MACROH2A2: variants seen among roughly 807,000 people sequenced by gnomAD.
The protein encoded by MACROH2A2 is core histone macro-H2A.2.
A neutral mutation model predicts 37.6 loss-of-function variants in MACROH2A2; 6 were observed. That is an observed-to-expected ratio of 0.16 (90% CI 0.09 to 0.32). The LOEUF (loss-of-function observed/expected upper bound fraction) is 0.32. MACROH2A2 is among the 10% of genes least tolerant of loss of function. The pLI, the probability that MACROH2A2 is intolerant of heterozygous loss-of-function variation, is 1.00. For missense variants in MACROH2A2, 290 were observed against 485.9 expected (o/e 0.60, Z 3.79); for synonymous variants, 192 against 202.7 (o/e 0.95, Z 0.45).
intron 1 of MACROH2A2, among the ~76,000 whole-genome samples, chr10:70,062,674 G>A (rs1332002428): frequency 6.6e-6 from 1 of 152,134 alleles, no homozygotes; most frequent in Non-Finnish European, 1.5e-5. Flanking sequence ...CCCCACCTGT[G>A]ACACCCTGGC....
Position 70,053,241 on chromosome 10 carries a change from G to T in MACROH2A2, c.-60+241G>T, listed in dbSNP as rs1157264163. On this transcript the variant is annotated intron_variant, in intron 1 of 8. Coordinates refer to ENST00000373255, the MANE Select transcript of MACROH2A2 (RefSeq NM_018649.3). This position sits in a 1 kb window ranked among gnomAD's most constrained non-coding sequence, Gnocchi z 4.8. Reference sequence around the variant, plus strand: ...GCTAAAGAAGTGGTCAAATTCCTGCGGCCAGCGAGGGGCCGGGGGCGTCGA... The same window carrying T: ...GCTAAAGAAGTGGTCAAATTCCTGCTGCCAGCGAGGGGCCGGGGGCGTCGA... Among the ~76,000 whole-genome samples the T allele has an allele frequency of 2.6e-5, 4 of 152,188 alleles. No homozygotes were observed. The highest frequency in any genetic ancestry group is 1.3e-4 in the Admixed American group (2 of 15,284).
At chr10:70,098,543 A>G (rs1442304286) in intron 6 of MACROH2A2, 1 of 152,146 alleles carries the variant, frequency 6.6e-6, no homozygotes, top group East Asian at 1.9e-4. Context: ...TTTGCAATTC[A>G]TTTGTTGAGG....
intron 1 of MACROH2A2, among the ~76,000 whole-genome samples, chr10:70,054,446 G>A (rs2072001461): frequency 6.6e-6 from 1 of 152,132 alleles, no homozygotes. Context: ...ACAGACCCCA[G>A]GATCCCCTAG....
chr10:70,058,195 T>C (rs2072028902), intron 1 of MACROH2A2, among the ~76,000 whole-genome samples: 1 of 152,234 alleles, frequency 6.6e-6, no homozygotes, highest in Non-Finnish European at 1.5e-5. Flanking sequence ...TTAAATAAGA[T>C]AAATTTGGTG....
rs1295899666 is a variant in MACROH2A2, at chr10:70,053,994, G to T, written c.-60+994G>T. On this transcript the variant is annotated intron_variant, in intron 1 of 8. Transcript: ENST00000373255. The surrounding 1 kb of genome is among the most constrained non-coding windows in gnomAD (Gnocchi z 4.8). ...CAGCCTCCAGCCCCGGCGCACCTCA[G>T]CCCCAGCCCGGCCAGCCCCCCGGAT... Among the ~76,000 whole-genome samples the T allele has an allele frequency of 1.3e-5, 2 of 152,172 alleles. No homozygotes were observed. The highest frequency in any genetic ancestry group is 6.5e-5 in the Admixed American group (1 of 15,288).
At position 70,053,389 on chromosome 10, in the gene MACROH2A2, G is replaced by T. The variant is rs904474227; in HGVS notation, c.-60+389G>T. Among the ~76,000 whole-genome samples the T allele has an allele frequency of 6.6e-6, 1 of 151,654 alleles. No homozygotes were observed. The highest frequency in any genetic ancestry group is 1.5e-5 in the Non-Finnish European group (1 of 67,684). ...GTTTCGGGCGCAGGAGCGGGAGGAC[G>T]GAGGCGCCCGGCCGCCGATGGGCAC... On this transcript the variant is annotated intron_variant, in intron 1 of 8. Transcript: ENST00000373255. The surrounding 1 kb of genome is among the most constrained non-coding windows in gnomAD (Gnocchi z 4.8).
intron 2 of MACROH2A2, among the ~76,000 whole-genome samples, chr10:70,079,153 C>G (rs2072158025): frequency 6.6e-6 from 1 of 152,064 alleles, no homozygotes; most frequent in Non-Finnish European, 1.5e-5. Flanking sequence ...GGGGGAAGGG[C>G]TGCCTAATCT....
At chr10:70,060,541 T>A (rs2072044586) in intron 1 of MACROH2A2, among the ~76,000 whole-genome samples, 1 of 152,006 alleles carries the variant, frequency 6.6e-6, no homozygotes, top group Non-Finnish European at 1.5e-5. Flanking sequence ...AACATGGATG[T>A]CTCTGGAAGC....
chr10:70,080,342 G>A (rs1157590270), intron 2 of MACROH2A2, among the ~76,000 whole-genome samples: 2 of 152,066 alleles, frequency 1.3e-5, no homozygotes, highest in Admixed American at 1.3e-4. Flanking sequence ...GCTAGTGGAT[G>A]GAGAATGGTG....
intron 2 of MACROH2A2, among the ~76,000 whole-genome samples, chr10:70,081,516 T>G: frequency 6.6e-6 from 1 of 151,886 alleles, no homozygotes; most frequent in Non-Finnish European, 1.5e-5. Flanking sequence ...GGAGGAAAGA[T>G]GTGAGCGTGT....
chr10:70,063,304 G>T (rs778588750), intron 1 of MACROH2A2, among the ~76,000 whole-genome samples: 1 of 152,156 alleles, frequency 6.6e-6, no homozygotes, highest in Non-Finnish European at 1.5e-5. Flanking sequence ...TTCAATAAGG[G>T]CACATGCTAA....
chr10:70,086,462 C>CT (rs2072212226), intron 2 of MACROH2A2, among the ~76,000 whole-genome samples: 1 of 152,172 alleles, frequency 6.6e-6, no homozygotes. Context: ...TGCCTTCAGT[C>CT]TCGTCCTATG....
At chr10:70,092,403 A>G (rs973898738) in intron 4 of MACROH2A2, among the ~76,000 whole-genome samples, 1 of 152,184 alleles carries the variant, frequency 6.6e-6, no homozygotes, top group African/African-American at 2.4e-5. Context: ...ACTGCACTCG[A>G]GCCTCGGTGA....
rs768374763 is a variant in MACROH2A2, at chr10:70,095,798, TGTTCAGGCAA to T, written c.688+50_688+59del. 1.6e-4 allele frequency: 140 copies of T among 902,284 alleles called. 1 individual carries two copies. The South Asian group carries it at 1.8e-3, about 12-fold the overall frequency. 55.9% of individuals were successfully genotyped at this position (902,284 alleles called of 1,614,324 possible). ...GTAGAAGTGCCATAGAATAGGCCAC[TGTTCAGGCAA>T]GTTCTTGTGAAGCTGATCATTGTCA... is the stretch of plus-strand genomic sequence containing the variant. On this transcript the variant is annotated intron_variant, in intron 6 of 8. Transcript: ENST00000373255.
intron 2 of MACROH2A2, among the ~76,000 whole-genome samples, chr10:70,088,475 A>G (rs1457896286): frequency 6.6e-6 from 1 of 152,252 alleles, no homozygotes; most frequent in Non-Finnish European, 1.5e-5. Flanking sequence ...CAGAAGAGGA[A>G]GGGGGAAAGC....
Position 70,102,545 on chromosome 10 carries a change from C to T in MACROH2A2, c.778+2248C>T, listed in dbSNP as rs557757692. 3.3e-5 allele frequency among the ~76,000 whole-genome samples: 5 copies of T among 152,030 alleles called. No homozygotes were observed. In the South Asian group the frequency reaches 6.2e-4, roughly 19 times the overall value. ...CGGTTTGACCAACATGGTGAAACCCCGTCTCTACTAAAAATACAAAAATTA... is the reference window on the plus strand; with the variant it reads ...CGGTTTGACCAACATGGTGAAACCCTGTCTCTACTAAAAATACAAAAATTA... On this transcript the variant is annotated intron_variant, in intron 7 of 8. Transcript: ENST00000373255.
intron 2 of MACROH2A2, among the ~76,000 whole-genome samples, chr10:70,080,123 T>C (rs758508227): frequency 6.6e-6 from 1 of 151,654 alleles, no homozygotes; most frequent in Non-Finnish European, 1.5e-5. Context: ...CTAATAAAAA[T>C]ACAAAATTAG....
intron 8 of MACROH2A2, among the ~76,000 whole-genome samples, chr10:70,110,740 A>T (rs571858057): frequency 3.2e-4 from 47 of 146,166 alleles, no homozygotes; most frequent in Admixed American, 9.5e-4. Flanking sequence ...AAAAAAAAAA[A>T]TTTTTTTATA....
At chr10:70,059,953 A>G (rs1237761282) in intron 1 of MACROH2A2, among the ~76,000 whole-genome samples, 3 of 152,168 alleles carry the variant, frequency 2.0e-5, no homozygotes, top group Non-Finnish European at 2.9e-5. Flanking sequence ...GCCGGGGCCC[A>G]GGAGCTACAG....
Sources: allele counts gnomAD v4.1 joint callset (sites outside exome capture counted in the v4.1 genomes callset), GRCh38; gene constraint gnomAD v4.1.1; non-coding constraint Gnocchi (gnomAD v3.1); transcripts MANE v1.5; gene names NCBI Gene and HGNC (gene_info 2026-07-23, HGNC 2026-07-21).